Variants in CAPN1 observed in about 807,000 individuals in gnomAD.
The protein encoded by CAPN1 is calpain 1.
CAPN1 carries 77 observed loss-of-function variants against 105.2 expected under a neutral mutation model. That is an observed-to-expected ratio of 0.73 (90% CI 0.61 to 0.88). CAPN1 has a LOEUF of 0.88. Ranked by LOEUF, CAPN1 falls within the 40% of genes least tolerant of loss-of-function variation. The pLI is 0.00. For synonymous variants in CAPN1, 355 were observed against 388.8 expected, an observed-to-expected ratio of 0.91 and a Z score of 1.02; for missense variants, 833 against 976.6, an observed-to-expected ratio of 0.85 and a Z score of 1.96.
chr11:65,208,361 G>A lies in CAPN1; in HGVS notation c.1729+99G>A. 3 of 1,177,560 alleles carry A rather than the reference G, an allele frequency of 2.5e-6. No individual in the cohort carries two copies. The highest frequency in any genetic ancestry group is 1.3e-5 in the South Asian group (1 of 75,858). 72.9% of individuals were successfully genotyped at this position (1,177,560 alleles called of 1,614,324 possible). On this transcript the variant is annotated intron_variant, in intron 16 of 21. Coordinates refer to ENST00000279247, the MANE Select transcript of CAPN1 (RefSeq NM_005186.4). This position sits in a 1 kb window ranked among gnomAD's most constrained non-coding sequence, Gnocchi z 4.1. The stretch of plus-strand genomic sequence containing the variant: ...TGAGCTGAACCTCATCCCTTGGTCT[G>A]CATGAGTCGGGGAATCCTCCAGTTT...
rs182344999 is a variant in CAPN1, at chr11:65,211,317, C to T, written c.*31C>T. On this transcript the variant is annotated 3_prime_UTR_variant, in exon 22 of 22. Coordinates refer to ENST00000279247, the MANE Select transcript of CAPN1 (RefSeq NM_005186.4). ...GGACTCGGTCCCCCTTGCCGTGCTC[C>T]CCTCCCTCCTCGTCTGCCAAGCCTC... 1.9e-6 allele frequency: 3 copies of T among 1,609,402 alleles called. No homozygotes were observed. The highest frequency in any genetic ancestry group is 2.7e-5 in the African/African-American group (2 of 74,934).
intron 10 of CAPN1, among the ~76,000 whole-genome samples, chr11:65,202,705 A>G (rs1397015856): frequency 6.6e-6 from 1 of 152,076 alleles, no homozygotes; most frequent in Non-Finnish European, 1.5e-5. Flanking sequence ...AGCCTCCCAA[A>G]GTGCTGGGAT....
At chr11:65,181,800 A>T (rs1160691521), upstream of CAPN1, 1 of 219,536 alleles carries the variant, frequency 4.6e-6, no homozygotes, top group Non-Finnish European at 9.5e-6. The surrounding 1 kb of genome is among the most constrained non-coding windows in gnomAD (Gnocchi z 4.6). Context: ...AGAGATAGTC[A>T]GAGACCGTGC....
intron 6 of CAPN1, among the ~76,000 whole-genome samples, chr11:65,186,952 G>A (rs1226208269): frequency 6.6e-6 from 1 of 152,216 alleles, no homozygotes; most frequent in African/African-American, 2.4e-5. Context: ...GTTCTGGTCA[G>A]CCCTGGCCAG....
At chr11:65,195,880 TTTG>T (rs1392710224) in intron 10 of CAPN1, among the ~76,000 whole-genome samples, 1 of 152,156 alleles carries the variant, frequency 6.6e-6, no homozygotes, top group Non-Finnish European at 1.5e-5. Context: ...TGAGAAGTTT[TTTG>T]TTGTTGTTGA....
upstream of CAPN1, chr11:65,181,490 C>T: frequency 3.8e-6 from 1 of 260,550 alleles, no homozygotes; most frequent in Non-Finnish European, 7.5e-6. The surrounding 1 kb of genome is among the most constrained non-coding windows in gnomAD (Gnocchi z 4.6). Flanking sequence ...AGCTGGGGAC[C>T]GGGCGGGCCC....
chr11:65,194,969 A>G (rs1046531753), intron 10 of CAPN1, among the ~76,000 whole-genome samples: 1 of 152,114 alleles, frequency 6.6e-6, no homozygotes, highest in Non-Finnish European at 1.5e-5. Flanking sequence ...CAGCAGCACC[A>G]TTTTATATCC....
At chr11:65,191,746 T>TA (rs1276621534) in intron 10 of CAPN1, among the ~76,000 whole-genome samples, 1 of 152,228 alleles carries the variant, frequency 6.6e-6, no homozygotes, top group African/African-American at 2.4e-5. Context: ...TTCTAATTCT[T>TA]ACAACTTTTG....
chr11:65,188,342 T>G lies in CAPN1; in HGVS notation c.930-72T>G. 7.3e-7 allele frequency: 1 copy of G among 1,378,822 alleles called. No individual in the cohort carries two copies. Among genetic ancestry groups the G allele is most frequent in the Non-Finnish European group, 1.0e-6 (1 of 991,244 alleles). The allele number at this position is 1,378,822 out of a possible 1,614,324, so 85.4% of individuals were successfully genotyped here. A position where few individuals can be genotyped will look rare whatever the true frequency, so the allele number is the denominator to read the frequency against. ...TGGGCCGGGGGAAGACAGGCCAGGG[T>G]AGACAGGCCCCAGGGACAGAGGCCA... On this transcript the variant is annotated intron_variant, in intron 8 of 21. Coordinates refer to ENST00000279247, the MANE Select transcript of CAPN1 (RefSeq NM_005186.4). The surrounding 1 kb of genome is among the most constrained non-coding windows in gnomAD (Gnocchi z 5.5).
At chr11:65,192,775 T>C (rs924382342) in intron 10 of CAPN1, among the ~76,000 whole-genome samples, 9 of 151,956 alleles carry the variant, frequency 5.9e-5, no homozygotes, top group Admixed American at 4.6e-4. Flanking sequence ...GATTGGCTAA[T>C]TTTTTATTTT....
intron 10 of CAPN1, among the ~76,000 whole-genome samples, chr11:65,189,874 C>G (rs570839242): frequency 6.6e-6 from 1 of 152,340 alleles, no homozygotes; most frequent in East Asian, 1.9e-4. Context: ...TATCTCCCCA[C>G]TGTTACTCTC....
At chr11:65,185,634 T>A (rs6591179) in intron 4 of CAPN1, among the ~76,000 whole-genome samples, 2 of 150,640 alleles carry the variant, frequency 1.3e-5, no homozygotes, top group East Asian at 2.0e-4. Flanking sequence ...CTTCAATACC[T>A]AGATACATGT....
At chr11:65,202,957 A>T (rs1345817031) in intron 10 of CAPN1, among the ~76,000 whole-genome samples, 2 of 152,074 alleles carry the variant, frequency 1.3e-5, no homozygotes, top group Non-Finnish European at 2.9e-5. Flanking sequence ...GCCTACTGGG[A>T]TATTTCATGT....
chr11:65,199,370 T>G (rs1948835721), intron 10 of CAPN1, among the ~76,000 whole-genome samples: 1 of 152,212 alleles, frequency 6.6e-6, no homozygotes, highest in Admixed American at 6.5e-5. Flanking sequence ...TCTTAATTTT[T>G]TTTTTCTTTC....
chr11:65,191,793 A>T (rs1173551622), intron 10 of CAPN1, among the ~76,000 whole-genome samples: 1 of 152,198 alleles, frequency 6.6e-6, no homozygotes, highest in Non-Finnish European at 1.5e-5. Context: ...CTAGAACTGT[A>T]GAGCTTCCTG....
rs772059902 is a variant in CAPN1, at chr11:65,187,214, G to C, written c.760-1G>C. 1.2e-6 allele frequency: 2 copies of C among 1,611,428 alleles called. No individual in the cohort carries two copies. The highest frequency in any genetic ancestry group is 1.7e-6 in the Non-Finnish European group (2 of 1,178,582). On this transcript the variant is annotated splice_acceptor_variant, in intron 6 of 21. Transcript: ENST00000279247. LOFTEE classifies it high-confidence loss of function. ...ACCACAGTGTGTGCCTCTTTCTGCA[G>C]ATCTCCAGCGTTCTAGACATGGAGG...
chr11:65,204,022 C>T (rs541378034), intron 10 of CAPN1, among the ~76,000 whole-genome samples: 1 of 152,328 alleles, frequency 6.6e-6, no homozygotes, highest in Admixed American at 6.5e-5. Flanking sequence ...CACCCAACTG[C>T]CAGAAATGCA....
rs903183022 is a variant in CAPN1 at position 65,204,984 on chromosome 11, T to C, written c.1341+126T>C. On this transcript the variant is annotated intron_variant, in intron 11 of 21. Transcript: ENST00000279247. ...CCATGCCCTTCCCCACAAATTCCCC[T>C]CCACTCCCCCCACCATCCTGAGGGC... The C allele has an allele frequency of 1.9e-5, 14 of 744,332 alleles. No homozygotes were observed. In the African/African-American group the frequency reaches 2.3e-4, roughly 12 times the overall value. 46.1% of individuals were successfully genotyped at this position (744,332 alleles called of 1,614,324 possible).
intron 6 of CAPN1, 120 bp from the exon 7 acceptor site, chr11:65,187,095 G>T: frequency 2.8e-6 from 2 of 702,834 alleles, no homozygotes; most frequent in South Asian, 1.7e-5. Context: ...GTCCCTGCTT[G>T]CTTCTCCTAG....
Sources: gnomAD v4.1 joint callset for allele counts (sites outside exome capture counted in the v4.1 genomes callset) on GRCh38, gnomAD v4.1.1 for gene constraint, Gnocchi (gnomAD v3.1) non-coding constraint, MANE v1.5 for transcripts, NCBI Gene and HGNC (gene_info 2026-07-23, HGNC 2026-07-21) for gene names.